FLRT2: variants seen among roughly 807,000 people sequenced by gnomAD.
FLRT2 encodes leucine-rich repeat transmembrane protein FLRT2.
Under a neutral mutation model 40.0 loss-of-function variants are expected in FLRT2, and 15 were observed. That is an observed-to-expected ratio of 0.38 (90% CI 0.25 to 0.58). The LOEUF (loss-of-function observed/expected upper bound fraction) is 0.58. Among genes scored for constraint, FLRT2 ranks in the 20% least tolerant of loss-of-function variants. The probability of loss-of-function intolerance (pLI) is 0.71; values close to 1 mark genes in which losing one functional copy is unlikely to be tolerated. For synonymous variants in FLRT2, 380 were observed against 336.8 expected, an observed-to-expected ratio of 1.13 and a Z score of -1.41; for missense variants, 726 against 840.0, an observed-to-expected ratio of 0.86 and a Z score of 1.68.
intron 1 of FLRT2, among the ~76,000 whole-genome samples, chr14:85,534,725 TG>T (rs1888538456): frequency 6.6e-6 from 1 of 151,888 alleles, no homozygotes; most frequent in Non-Finnish European, 1.5e-5. Flanking sequence ...GTGTGCGCAT[TG>T]AGGCGGCGGC....
intron 1 of FLRT2, among the ~76,000 whole-genome samples, chr14:85,540,586 T>G (rs1458301057): frequency 6.6e-6 from 1 of 152,204 alleles, no homozygotes; most frequent in African/African-American, 2.4e-5. Flanking sequence ...ATTTATAAAA[T>G]ACGTGGTTGG....
At chr14:85,620,752 C>T (rs1458823464) in intron 1 of FLRT2, among the ~76,000 whole-genome samples, 2 of 152,186 alleles carry the variant, frequency 1.3e-5, no homozygotes, top group African/African-American at 2.4e-5. Context: ...TACCTTGAAA[C>T]TAGTCTATGA....
chr14:85,620,916 G>A (rs1893351319), intron 1 of FLRT2, among the ~76,000 whole-genome samples: 1 of 152,238 alleles, frequency 6.6e-6, no homozygotes, highest in Non-Finnish European at 1.5e-5. Context: ...ATGGTTGATA[G>A]TGACAGGTAA....
rs1893969615 is a variant in FLRT2, at chr14:85,635,029, A to G, written c.*11532A>G. 1 of 152,204 alleles carries G rather than the reference A, an allele frequency of 6.6e-6. No homozygotes were observed. The highest frequency in any genetic ancestry group is 1.5e-5 in the Non-Finnish European group (1 of 68,034). 9.4% of individuals were successfully genotyped at this position (152,204 alleles called of 1,614,324 possible). A position where few individuals can be genotyped will look rare whatever the true frequency, so the allele number is the denominator to read the frequency against. Reference sequence around the variant, plus strand: ...AAATTCAGGAAGATGTGACTAGGATAGATAAAGCAAACATATAAACACTCA... The same window carrying G: ...AAATTCAGGAAGATGTGACTAGGATGGATAAAGCAAACATATAAACACTCA... On this transcript the variant is annotated 3_prime_UTR_variant, in exon 2 of 2. Transcript: ENST00000330753.
At chr14:85,591,297 G>C (rs556309259) in intron 1 of FLRT2, among the ~76,000 whole-genome samples, 1 of 152,142 alleles carries the variant, frequency 6.6e-6, no homozygotes, top group Non-Finnish European at 1.5e-5. Context: ...TTCCCAGGCC[G>C]TTTTCTCAGG....
intron 1 of FLRT2, among the ~76,000 whole-genome samples, chr14:85,549,168 G>C (rs1889455819): frequency 1.3e-5 from 2 of 152,192 alleles, no homozygotes; most frequent in South Asian, 4.1e-4. Context: ...ATTCCCCCTG[G>C]ATGCCAGACA....
intron 1 of FLRT2, chr14:85,551,639 A>T (rs1889625413): frequency 6.6e-6 from 1 of 152,180 alleles, no homozygotes; most frequent in Non-Finnish European, 1.5e-5. Context: ...CATGGAAAGG[A>T]TGAATATATA....
intron 1 of FLRT2, among the ~76,000 whole-genome samples, chr14:85,576,297 T>C (rs1479100023): frequency 6.6e-6 from 1 of 152,222 alleles, no homozygotes; most frequent in Non-Finnish European, 1.5e-5. Context: ...TGGCAAGAGC[T>C]GTGTATTTCC....
chr14:85,610,961 T>A (rs1892830731), intron 1 of FLRT2, among the ~76,000 whole-genome samples: 1 of 152,196 alleles, frequency 6.6e-6, no homozygotes, highest in Admixed American at 6.5e-5. Flanking sequence ...AGTGGTGCAA[T>A]CTCGGCTCAC....
intron 1 of FLRT2, among the ~76,000 whole-genome samples, chr14:85,578,234 T>TATACGTATATATATTTATATATA (rs1566737131): frequency 9.6e-5 from 14 of 145,920 alleles, no homozygotes; most frequent in Admixed American, 2.8e-4. Context: ...ATTTATATAT[T>TATACGTATATATATTTATATATA]TTTTATGTAT....
rs1217607185 is a variant in FLRT2 at position 85,637,885 on chromosome 14, G to A, written c.*14388G>A. 1 of 152,178 alleles carries A rather than the reference G, an allele frequency of 6.6e-6. No homozygotes were observed. The highest frequency in any genetic ancestry group is 6.5e-5 in the Admixed American group (1 of 15,272). 9.4% of individuals were successfully genotyped at this position (152,178 alleles called of 1,614,324 possible). A position where few individuals can be genotyped will look rare whatever the true frequency, so the allele number is the denominator to read the frequency against. ...AGGGTTAATTATATGAACCCATATA[G>A]TAGTGTCATTTAAAGGGAATTTAAA... On this transcript the variant is annotated 3_prime_UTR_variant, in exon 2 of 2. Coordinates refer to ENST00000330753, the MANE Select transcript of FLRT2 (RefSeq NM_013231.6).
At position 85,600,966 on chromosome 14, in the gene FLRT2, G is replaced by T. The variant is rs78056482; in HGVS notation, c.-376-20173G>T. Among the ~76,000 whole-genome samples, 320 of 152,302 alleles carry T rather than the reference G, an allele frequency of 2.1e-3. 1 individual carries two copies. The highest frequency in any genetic ancestry group is 6.8e-3 in the Middle Eastern group (2 of 294). ...TTAGTCTTTATCAAGCCAGGAGATA[G>T]ATAGGACTTTCATTTCATATTGTGT... On this transcript the variant is annotated intron_variant, in intron 1 of 1. Coordinates refer to ENST00000330753, the MANE Select transcript of FLRT2 (RefSeq NM_013231.6).
At position 85,646,982 on chromosome 14, in the gene FLRT2, T is replaced by A. The variant is rs1363615424; in HGVS notation, c.*23485T>A. ...ACACAGTGACACATACATGCACAGCTGACCAAAGCTATAGCTTCCCAATTA... is the reference window on the plus strand; with the variant it reads ...ACACAGTGACACATACATGCACAGCAGACCAAAGCTATAGCTTCCCAATTA... On this transcript the variant is annotated 3_prime_UTR_variant, in exon 2 of 2. Transcript: ENST00000330753. The A allele has an allele frequency of 6.6e-6, 1 of 152,192 alleles. No homozygotes were observed. The highest frequency in any genetic ancestry group is 1.5e-5 in the Non-Finnish European group (1 of 68,036). 9.4% of individuals were successfully genotyped at this position (152,192 alleles called of 1,614,324 possible).
chr14:85,613,304 T>C (rs1233404870), intron 1 of FLRT2, among the ~76,000 whole-genome samples: 1 of 152,214 alleles, frequency 6.6e-6, no homozygotes, highest in African/African-American at 2.4e-5. Flanking sequence ...AGTGACCCTA[T>C]TTCTGCAGTA....
At chr14:85,606,620 G>A (rs1367598229) in intron 1 of FLRT2, among the ~76,000 whole-genome samples, 1 of 146,038 alleles carries the variant, frequency 6.8e-6, no homozygotes, top group Non-Finnish European at 1.5e-5. Flanking sequence ...CGACTCCCTA[G>A]TTCAAGCGAT....
At chr14:85,567,174 GCAT>G (rs35403029) in intron 1 of FLRT2, among the ~76,000 whole-genome samples, 29,900 of 152,090 alleles carry the variant, frequency 0.2, 3,575 homozygotes, top group South Asian at 0.25. Flanking sequence ...GTGGGTGAAA[GCAT>G]CATATTTGAG....
At chr14:85,588,516 G>A (rs994545906) in intron 1 of FLRT2, among the ~76,000 whole-genome samples, 1 of 150,558 alleles carries the variant, frequency 6.6e-6, no homozygotes, top group African/African-American at 2.4e-5. Flanking sequence ...ATATATTTAT[G>A]AGGTACATAA....
chr14:85,557,822 A>AT (rs201543551), intron 1 of FLRT2, among the ~76,000 whole-genome samples: 11,325 of 151,054 alleles, frequency 0.075, 528 homozygotes, highest in East Asian at 0.19. Context: ...ATTTCAATAA[A>AT]TAAATAAATT....
rs914529532 is a variant in FLRT2 at position 85,583,119 on chromosome 14, G to A, written c.-376-38020G>A. On this transcript the variant is annotated intron_variant, in intron 1 of 1. Coordinates refer to ENST00000330753, the MANE Select transcript of FLRT2 (RefSeq NM_013231.6). ...CTCTAGGAACTGTGTGCAGAAAATCGTTGAAAGATAATCTTTATAGGATGC... is the reference window on the plus strand; with the variant it reads ...CTCTAGGAACTGTGTGCAGAAAATCATTGAAAGATAATCTTTATAGGATGC... Among the ~76,000 whole-genome samples the A allele has an allele frequency of 4.6e-5, 7 of 152,212 alleles. No homozygotes were observed. The East Asian group carries it at 1.2e-3, about 25-fold the overall frequency.
Sources: gnomAD v4.1 joint callset for allele counts (sites outside exome capture counted in the v4.1 genomes callset) on GRCh38, gnomAD v4.1.1 for gene constraint, MANE v1.5 for transcripts, NCBI Gene and HGNC (gene_info 2026-07-23, HGNC 2026-07-21) for gene names.